Variants in RPLP0 observed in about 807,000 individuals in gnomAD.
RPLP0 encodes the protein large ribosomal subunit protein uL10.
For synonymous variants in RPLP0, 137 were observed against 153.4 expected, an observed-to-expected ratio of 0.89 and a Z score of 0.79; for missense variants, 276 against 402.9, an observed-to-expected ratio of 0.69 and a Z score of 2.70.
At chr12:120,199,759 T>C in intron 2 of RPLP0, 1 of 414,182 alleles carries the variant, frequency 2.4e-6, no homozygotes, top group Non-Finnish European at 4.5e-6. Context: ...GGCATGCTTC[T>C]GATTCACTAA....
intron 7 of RPLP0, 134 bp downstream of exon 7, chr12:120,197,188 A>G (rs1160378758): frequency 8.7e-6 from 9 of 1,029,854 alleles, no homozygotes; most frequent in African/African-American, 1.6e-5. Flanking sequence ...CCTGCCTCCC[A>G]ACCTCTCAAA....
chr12:120,200,638 C>A, intron 2 of RPLP0, 92 bp downstream of exon 2: 1 of 1,370,640 alleles, frequency 7.3e-7, no homozygotes, highest in Non-Finnish European at 1.0e-6. Context: ...ATTCAGTAGC[C>A]GGTGTGAGTA....
intron 4 of RPLP0, 23 bp from the exon 5 acceptor site, chr12:120,199,023 A>C: frequency 6.2e-7 from 1 of 1,614,038 alleles, no homozygotes; most frequent in Non-Finnish European, 8.5e-7. Flanking sequence ...ACAAACAGTG[A>C]GAAAAGCCTC....
At chr12:120,197,960 ACT>A (rs1440631674) in intron 6 of RPLP0, among the ~76,000 whole-genome samples, 1 of 151,812 alleles carries the variant, frequency 6.6e-6, no homozygotes, top group Non-Finnish European at 1.5e-5. Context: ...ACAGAGTCTC[ACT>A]CTGTCACTCA....
Position 120,200,777 on chromosome 12 carries a change from T to G in RPLP0, c.7A>C (p.Arg3=). The change falls in exon 2 of 8, where the codon AGG becomes CGG. Residue 3 remains arginine, a synonymous_variant. Coordinates refer to ENST00000392514, the MANE Select transcript of RPLP0 (RefSeq NM_001002.4). The part of the protein sequence containing the change: MP[R]EDRATWKSNY... ...GACTTCCAGGTCGCCCTGTCTTCCC[T>G]GGGCATCACGGCGGTGCGTCAGGGA... 1 of 1,611,290 alleles carries G rather than the reference T, an allele frequency of 6.2e-7. No individual in the cohort carries two copies. Among genetic ancestry groups the G allele is most frequent in the Non-Finnish European group, 8.5e-7 (1 of 1,179,324 alleles).
Position 120,199,558 on chromosome 12 carries a change from C to G in RPLP0, c.55-73G>C, listed in dbSNP as rs1879324341. 2.0e-5 allele frequency: 30 copies of G among 1,472,880 alleles called. No individual in the cohort carries two copies. The South Asian group carries it at 3.6e-4, about 18-fold the overall frequency. 91.2% of individuals were successfully genotyped at this position (1,472,880 alleles called of 1,614,324 possible). A position where few individuals can be genotyped will look rare whatever the true frequency, so the allele number is the denominator to read the frequency against. ...GAAAAAATGCCAGAAGAAACTGAAC[C>G]CCACAATTTGTTTCCATCCCACTCC... On this transcript the variant is annotated intron_variant, in intron 2 of 7. Coordinates refer to ENST00000392514, the MANE Select transcript of RPLP0 (RefSeq NM_001002.4).
chr12:120,198,756 T>C lies in RPLP0; in HGVS notation c.466-17A>G. The C allele has an allele frequency of 6.2e-7, 1 of 1,613,104 alleles. No homozygotes were observed. Among genetic ancestry groups the C allele is most frequent in the Non-Finnish European group, 8.5e-7 (1 of 1,179,132 alleles). On this transcript the variant is annotated splice_polypyrimidine_tract_variant and intron_variant, in intron 5 of 7. Transcript: ENST00000392514. This position sits in a 1 kb window ranked among gnomAD's most constrained non-coding sequence, Gnocchi z 4.1. ...CACATCACTCTGAACCAGATAATAG[T>C]GGGGCAGTAAACACCTGTTGGACAA...
intron 2 of RPLP0, 199 bp downstream of exon 2, chr12:120,200,531 A>G: frequency 1.7e-6 from 1 of 580,398 alleles, no homozygotes. Context: ...CTGTCATCTT[A>G]GGACCCACTT....
Position 120,199,466 on chromosome 12 carries a change from G to A in RPLP0, c.74C>T (p.Pro25Leu), listed in dbSNP as rs1879315757. Reference protein sequence around the residue: ...LKIIQLLDDYPKCFIVGADNV... With the variant: ...LKIIQLLDDYLKCFIVGADNV... The stretch of plus-strand genomic sequence containing the variant: ...GTCTGCTCCCACAATGAAACATTTC[G>A]GATAATCATCCAATAGTTGCTACAA... The change falls in exon 3 of 8, where the codon CCG becomes CTG. Residue 25 changes from proline (P) to leucine (L), a missense_variant. Transcript: ENST00000392514. 7 of 1,613,802 alleles carry A rather than the reference G, an allele frequency of 4.3e-6. No homozygotes were observed. Among genetic ancestry groups the A allele is most frequent in the East Asian group, 2.2e-5 (1 of 44,894 alleles).
At chr12:120,199,050 G>A in intron 4 of RPLP0, 50 bp from the exon 5 acceptor site, 1 of 1,613,018 alleles carries the variant, frequency 6.2e-7, no homozygotes, top group Non-Finnish European at 8.5e-7. Context: ...CACACAACCT[G>A]AGAATGGTCC....
intron 2 of RPLP0, 121 bp from the exon 3 acceptor site, chr12:120,199,606 CAG>C (rs1879327429): frequency 9.5e-7 from 1 of 1,049,822 alleles, no homozygotes; most frequent in Non-Finnish European, 1.4e-6. Flanking sequence ...CTTTTGAAGT[CAG>C]AGGGAGATTG....
chr12:120,200,795 G>A lies in RPLP0; in HGVS notation c.-12C>T. 6.2e-7 allele frequency: 1 copy of A among 1,609,792 alleles called. No homozygotes were observed. Among genetic ancestry groups the A allele is most frequent in the Middle Eastern group, 2.1e-4 (1 of 4,672 alleles). ...TCTTCCCTGGGCATCACGGCGGTGC[G>A]TCAGGGATTGCCACGCAGGGTTTAA... is the stretch of plus-strand genomic sequence containing the variant. On this transcript the variant is annotated 5_prime_UTR_variant, in exon 2 of 8. In the 5' UTR this introduces an upstream ATG that the reference lacks. Coordinates refer to ENST00000392514, the MANE Select transcript of RPLP0 (RefSeq NM_001002.4).
Position 120,201,094 on chromosome 12 carries a change from A to G in RPLP0, c.-60T>C, listed in dbSNP as rs1393528506. On this transcript the variant is annotated 5_prime_UTR_variant, in exon 1 of 8. Coordinates refer to ENST00000392514, the MANE Select transcript of RPLP0 (RefSeq NM_001002.4). ...ACTAGCACACGAACCTTCCACGAGG[A>G]CGCCTGGCGAGAGAAGGGCCTCGCG... is the stretch of plus-strand genomic sequence containing the variant. The G allele has an allele frequency of 2.8e-5, 10 of 359,786 alleles. No homozygotes were observed. Among genetic ancestry groups the G allele is most frequent in the Non-Finnish European group, 5.0e-5 (10 of 199,028 alleles). The allele number at this position is 359,786 out of a possible 1,614,324, so 22.3% of individuals were successfully genotyped here. A position where few individuals can be genotyped will look rare whatever the true frequency, so the allele number is the denominator to read the frequency against.
At chr12:120,197,794 CTTCA>C (rs1368323598) in intron 6 of RPLP0, 11 of 262,062 alleles carry the variant, frequency 4.2e-5, no homozygotes, top group African/African-American at 1.9e-4. Flanking sequence ...CAGATGTGAA[CTTCA>C]TTCACTTGTC....
At chr12:120,201,028 C>G in intron 1 of RPLP0, 55 bp downstream of exon 1, 1 of 503,846 alleles carries the variant, frequency 2.0e-6, no homozygotes, top group Non-Finnish European at 3.3e-6. Flanking sequence ...CCCCCAAAGA[C>G]CCCTCCATGC....
At chr12:120,199,227 A>G (rs1879302916) in intron 3 of RPLP0, 22 bp from the exon 4 acceptor site, 2 of 1,613,156 alleles carry the variant, frequency 1.2e-6, no homozygotes, top group South Asian at 1.1e-5. Context: ...AGTTTATGGG[A>G]GACAATCACC....
chr12:120,200,958 G>T, intron 1 of RPLP0, 125 bp downstream of exon 1: 1 of 1,205,958 alleles, frequency 8.3e-7, no homozygotes, highest in Non-Finnish European at 1.1e-6. Flanking sequence ...TCATCTCGGG[G>T]CGTGCAAGCC....
chr12:120,200,179 G>A, intron 2 of RPLP0: 1 of 449,394 alleles, frequency 2.2e-6, no homozygotes, highest in Non-Finnish European at 4.5e-6. Context: ...AAACTGTAAT[G>A]TGCGGCCGGG....
Position 120,196,753 on chromosome 12 carries a change from A to C in RPLP0, c.*20T>G, listed in dbSNP as rs745466352. ...CTTGTTTTGCAAATAAAACTGGCTA[A>C]GTTGGTTGCTTTTTGGTGATTAGTC... is the stretch of plus-strand genomic sequence containing the variant. On this transcript the variant is annotated 3_prime_UTR_variant, in exon 8 of 8. Transcript: ENST00000392514. 2.6e-6 allele frequency: 4 copies of C among 1,542,054 alleles called. No homozygotes were observed. The South Asian group carries it at 3.6e-5, about 14-fold the overall frequency.
Sources: allele counts gnomAD v4.1 joint callset (sites outside exome capture counted in the v4.1 genomes callset), GRCh38; gene constraint gnomAD v4.1.1; non-coding constraint Gnocchi (gnomAD v3.1); transcripts MANE v1.5; gene names NCBI Gene and HGNC (gene_info 2026-07-23, HGNC 2026-07-21).